Variants in NRXN3 observed in about 807,000 individuals in gnomAD.
NRXN3 encodes the protein neurexin 3.
In NRXN3, 32 loss-of-function variants were observed where a neutral mutation model predicts 137.6. The observed-to-expected ratio is 0.23, with a 90% CI of 0.18 to 0.31. The LOEUF (loss-of-function observed/expected upper bound fraction) is 0.31, where lower values mean the gene tolerates loss of function less well. Among genes scored for constraint, NRXN3 ranks in the 10% least tolerant of loss-of-function variants. NRXN3 has a pLI of 1.00. For synonymous variants in NRXN3, 798 were observed against 784.5 expected, an observed-to-expected ratio of 1.02 and a Z score of -0.29; for missense variants, 1,574 against 2,062.5, an observed-to-expected ratio of 0.76 and a Z score of 4.59.
intron 1 of NRXN3, among the ~76,000 whole-genome samples, chr14:78,226,070 C>T (rs547400932): frequency 1.3e-5 from 2 of 151,770 alleles, no homozygotes; most frequent in African/African-American, 4.8e-5. Context: ...GTGGCCTGAT[C>T]TCCGCTCACT....
intron 15 of NRXN3, among the ~76,000 whole-genome samples, chr14:79,023,470 A>T (rs1745870093): frequency 6.6e-6 from 1 of 152,200 alleles, no homozygotes; most frequent in Non-Finnish European, 1.5e-5. Context: ...CTGATCAGGG[A>T]AGTCTTCCCT....
At chr14:79,718,203 A>G (rs73332255) in intron 19 of NRXN3, among the ~76,000 whole-genome samples, 7,674 of 152,234 alleles carry the variant, frequency 0.05, 404 homozygotes, top group African/African-American at 0.14. Context: ...ATGATAAAAC[A>G]TGTCAGGTCT....
chr14:78,842,523 G>A (rs372034015), intron 10 of NRXN3, among the ~76,000 whole-genome samples: 1 of 152,192 alleles, frequency 6.6e-6, no homozygotes, highest in African/African-American at 2.4e-5. Flanking sequence ...CCACAGGACT[G>A]GGGCAAAATT....
intron 4 of NRXN3, among the ~76,000 whole-genome samples, chr14:78,488,424 T>A (rs370509769): frequency 1.3e-5 from 2 of 152,198 alleles, no homozygotes; most frequent in African/African-American, 4.8e-5. Flanking sequence ...TTCTAGAGAT[T>A]GCTTTAGAAG....
At chr14:79,464,279 T>G (rs2153608828) in intron 15 of NRXN3, among the ~76,000 whole-genome samples, 1 of 152,278 alleles carries the variant, frequency 6.6e-6, no homozygotes, top group South Asian at 2.1e-4. Flanking sequence ...TTATGCTTTC[T>G]TCACCTATAA....
rs1003814484 is a variant in NRXN3 at position 78,257,404 on chromosome 14, G to A, written c.709+13602G>A. Among the ~76,000 whole-genome samples, 7 of 152,328 alleles carry A rather than the reference G, an allele frequency of 4.6e-5. No homozygotes were observed. In the South Asian group the frequency reaches 1.5e-3, roughly 32 times the overall value. On this transcript the variant is annotated intron_variant, in intron 2 of 20. Coordinates refer to ENST00000335750, the MANE Select transcript of NRXN3 (RefSeq NM_001330195.2). Reference sequence around the variant, plus strand: ...AGCTTGTCAGGCAAAGAAGTATATAGCACATATCAGAGTTGCTCTAATAGC... The same window carrying A: ...AGCTTGTCAGGCAAAGAAGTATATAACACATATCAGAGTTGCTCTAATAGC...
intron 16 of NRXN3, among the ~76,000 whole-genome samples, chr14:79,598,790 G>A (rs73327910): frequency 0.029 from 4,448 of 152,268 alleles, 199 homozygotes; most frequent in African/African-American, 0.1. Context: ...GCTTTTGAAG[G>A]TACAGTGACT....
intron 2 of NRXN3, among the ~76,000 whole-genome samples, chr14:78,272,778 A>G (rs1472637813): frequency 6.6e-6 from 1 of 152,006 alleles, no homozygotes; most frequent in Non-Finnish European, 1.5e-5. Flanking sequence ...TCATAGTGCA[A>G]CCTCTCTAGG....
intron 4 of NRXN3, among the ~76,000 whole-genome samples, chr14:78,585,558 CA>C (rs1468459019): frequency 2.0e-5 from 3 of 152,176 alleles, no homozygotes; most frequent in African/African-American, 7.2e-5. Flanking sequence ...TGTCATAATC[CA>C]GGTGGCTTGG....
At chr14:78,306,545 G>A (rs776531989) in intron 4 of NRXN3, among the ~76,000 whole-genome samples, 3 of 152,156 alleles carry the variant, frequency 2.0e-5, no homozygotes, top group Non-Finnish European at 4.4e-5. Flanking sequence ...CAAGCAAAGT[G>A]CATTTCCCCT....
intron 4 of NRXN3, among the ~76,000 whole-genome samples, chr14:78,419,961 G>GCGCACACACACACACA (rs1555518606): frequency 8.1e-5 from 4 of 49,148 alleles, no homozygotes; most frequent in African/African-American, 1.8e-4. Context: ...GCGCGCGCAC[G>GCGCACACACACACACA]CACACACACA....
chr14:78,293,241 C>T (rs2075983178), intron 3 of NRXN3, among the ~76,000 whole-genome samples: 1 of 152,138 alleles, frequency 6.6e-6, no homozygotes, highest in Non-Finnish European at 1.5e-5. Context: ...AACCCCTTTT[C>T]CTTTGAGGTG....
intron 15 of NRXN3, among the ~76,000 whole-genome samples, chr14:79,460,781 G>A (rs545300514): frequency 2.6e-5 from 4 of 152,308 alleles, no homozygotes; most frequent in Admixed American, 6.5e-5. Flanking sequence ...TTTTTCTCAT[G>A]ATGTACTTAA....
chr14:79,726,299 TG>T (rs2098888949), intron 19 of NRXN3, among the ~76,000 whole-genome samples: 1 of 152,210 alleles, frequency 6.6e-6, no homozygotes, highest in Admixed American at 6.5e-5. Context: ...ATAACTACCT[TG>T]GAAGTATTAG....
chr14:78,458,278 C>T (rs2094811328), intron 4 of NRXN3, among the ~76,000 whole-genome samples: 1 of 152,132 alleles, frequency 6.6e-6, no homozygotes, highest in African/African-American at 2.4e-5. Context: ...TCAAACTGTG[C>T]AGAAATGTGA....
chr14:78,813,511 CT>C (rs1483344397), intron 10 of NRXN3, among the ~76,000 whole-genome samples: 1 of 152,018 alleles, frequency 6.6e-6, no homozygotes, highest in African/African-American at 2.4e-5. Flanking sequence ...CAAAACAGAG[CT>C]TCTTTTTTTT....
At chr14:78,643,185 T>C (rs944146201) in intron 4 of NRXN3, among the ~76,000 whole-genome samples, 1 of 152,248 alleles carries the variant, frequency 6.6e-6, no homozygotes, top group Non-Finnish European at 1.5e-5. Flanking sequence ...TACTTTATGA[T>C]GAAAAAATAT....
chr14:79,041,187 C>T (rs1252624792), intron 15 of NRXN3, among the ~76,000 whole-genome samples: 1 of 152,148 alleles, frequency 6.6e-6, no homozygotes, highest in Non-Finnish European at 1.5e-5. Flanking sequence ...CAATACTTGG[C>T]ACATTATTGT....
At chr14:78,657,726 C>T (rs1400376987) in intron 6 of NRXN3, among the ~76,000 whole-genome samples, 3 of 152,208 alleles carry the variant, frequency 2.0e-5, no homozygotes, top group Non-Finnish European at 2.9e-5. Context: ...TAGGCGTCCA[C>T]ATCTGGTGAG....
Sources: gnomAD v4.1 joint callset for allele counts (sites outside exome capture counted in the v4.1 genomes callset) on GRCh38, gnomAD v4.1.1 for gene constraint, MANE v1.5 for transcripts, NCBI Gene and HGNC (gene_info 2026-07-23, HGNC 2026-07-21) for gene names.